PDE9A: variants seen among roughly 807,000 people sequenced by gnomAD.
The protein encoded by PDE9A is high affinity cGMP-specific 3',5'-cyclic phosphodiesterase 9A.
A neutral mutation model predicts 87.4 loss-of-function variants in PDE9A; 60 were observed. The observed-to-expected ratio is 0.69, with a 90% CI of 0.56 to 0.85. PDE9A has a LOEUF of 0.85. PDE9A is among the 40% of genes least tolerant of loss of function. The pLI is 0.00. For missense variants in PDE9A, 665 were observed against 779.0 expected (o/e 0.85, Z 1.74); for synonymous variants, 272 against 279.4 (o/e 0.97, Z 0.27).
intron 4 of PDE9A, among the ~76,000 whole-genome samples, chr21:42,729,681 G>A (rs1442788760): frequency 6.6e-6 from 1 of 152,138 alleles, no homozygotes; most frequent in Non-Finnish European, 1.5e-5. Flanking sequence ...ATGTCCCACA[G>A]CTAAGTTTTG....
intron 1 of PDE9A, among the ~76,000 whole-genome samples, chr21:42,666,708 G>A (rs1301177170): frequency 6.6e-6 from 1 of 152,174 alleles, no homozygotes. Flanking sequence ...GTTTTACAAG[G>A]ACATCTCATT....
intron 4 of PDE9A, among the ~76,000 whole-genome samples, chr21:42,710,217 G>A (rs973217107): frequency 9.9e-5 from 15 of 152,068 alleles, no homozygotes; most frequent in Non-Finnish European, 2.1e-4. Flanking sequence ...AGACCAGCCT[G>A]GCCAACATGG....
At chr21:42,709,650 C>T (rs1180647258) in intron 4 of PDE9A, among the ~76,000 whole-genome samples, 1 of 152,114 alleles carries the variant, frequency 6.6e-6, no homozygotes, top group Non-Finnish European at 1.5e-5. Flanking sequence ...TGGACTCTTT[C>T]ACTCAACATC....
intron 15 of PDE9A, among the ~76,000 whole-genome samples, chr21:42,767,945 A>G (rs116254495): frequency 6.6e-6 from 1 of 152,344 alleles, no homozygotes; most frequent in African/African-American, 2.4e-5. Flanking sequence ...GCAGTGCTTC[A>G]GGGGATATCA....
At chr21:42,726,624 A>ATATATATATATATATATTTTTTTTTTTT in intron 4 of PDE9A, among the ~76,000 whole-genome samples, 1 of 19,778 alleles carries the variant, frequency 5.1e-5, no homozygotes, top group Non-Finnish European at 7.5e-5. Context: ...ATATATATAT[A>ATATATATATATATATATTTTTTTTTTTT]TTTTTTTTTT....
Position 42,731,949 on chromosome 21 carries a change from G to T in PDE9A, c.442G>T (p.Glu148Ter). 6.2e-7 allele frequency: 1 copy of T among 1,613,340 alleles called. No individual in the cohort carries two copies. Among genetic ancestry groups the T allele is most frequent in the Non-Finnish European group, 8.5e-7 (1 of 1,179,482 alleles). ...CYQEGQRIPP[E>*]REELIQSVLA... ...CCAGGAAGGCCAGCGCATCCCTCCA[G>T]GTAACGGGCAGCTCCTCGGCCACAG... The change falls in exon 5 of 20, where the codon GAG becomes TAG. Residue 148 changes from glutamate (E) to a stop codon, truncating the protein, a stop_gained and splice_region_variant. Coordinates refer to ENST00000291539, the MANE Select transcript of PDE9A (RefSeq NM_002606.3). LOFTEE classifies it high-confidence loss of function.
At chr21:42,654,726 C>T (rs2056920018) in intron 1 of PDE9A, among the ~76,000 whole-genome samples, 1 of 152,148 alleles carries the variant, frequency 6.6e-6, no homozygotes, top group Non-Finnish European at 1.5e-5. Flanking sequence ...GAGCAGGTGC[C>T]GGCCAGGCTT....
At chr21:42,661,879 G>A (rs958946867) in intron 1 of PDE9A, among the ~76,000 whole-genome samples, 5 of 152,202 alleles carry the variant, frequency 3.3e-5, no homozygotes, top group Admixed American at 3.3e-4. Context: ...AGGGTAGGGG[G>A]CTGCCCAGGG....
chr21:42,713,677 GT>G (rs1233683426), intron 4 of PDE9A, among the ~76,000 whole-genome samples: 1 of 151,826 alleles, frequency 6.6e-6, no homozygotes, highest in East Asian at 1.9e-4. Context: ...ATGTATTTGG[GT>G]TTTTTGTGTG....
At chr21:42,662,723 G>A (rs1266652822) in intron 1 of PDE9A, among the ~76,000 whole-genome samples, 1 of 111,026 alleles carries the variant, frequency 9.0e-6, no homozygotes, top group East Asian at 2.8e-4. Flanking sequence ...TCACACACTT[G>A]TACACACCAG....
chr21:42,742,631 T>A (rs1350722413), intron 7 of PDE9A, among the ~76,000 whole-genome samples: 3 of 151,886 alleles, frequency 2.0e-5, no homozygotes, highest in Non-Finnish European at 4.4e-5. Flanking sequence ...CATGCCCGGC[T>A]AATTTTTGTA....
chr21:42,771,229 G>A (rs752572315), intron 18 of PDE9A, among the ~76,000 whole-genome samples: 3 of 152,180 alleles, frequency 2.0e-5, no homozygotes, highest in Non-Finnish European at 4.4e-5. Context: ...GGGACAAAGC[G>A]ACCACCCACC....
intron 1 of PDE9A, among the ~76,000 whole-genome samples, chr21:42,673,680 G>A (rs1445605482): frequency 6.6e-6 from 1 of 152,202 alleles, no homozygotes; most frequent in South Asian, 2.1e-4. Flanking sequence ...TTGGGGGTTC[G>A]AGGTGGCAGC....
At chr21:42,751,744 C>A in intron 9 of PDE9A, among the ~76,000 whole-genome samples, 3 of 122,392 alleles carry the variant, frequency 2.5e-5, no homozygotes, top group South Asian at 2.6e-4. Context: ...GGCCCACCTG[C>A]TTTTTTTTTT....
rs533364113 is a variant in PDE9A at position 42,771,233 on chromosome 21, AC to A, written c.1686+438del. Among the ~76,000 whole-genome samples, 25 of 152,208 alleles carry A rather than the reference AC, an allele frequency of 1.6e-4. No individual in the cohort carries two copies. The East Asian group carries it at 4.6e-3, about 28-fold the overall frequency. On this transcript the variant is annotated intron_variant, in intron 18 of 19. Transcript: ENST00000291539. ...CCCCTGGCACGGGGACAAAGCGACC[AC>A]CCACCTGCCAGCTCCCGGGCCCAGA...
chr21:42,743,979 C>T, intron 8 of PDE9A, 119 bp downstream of exon 8: 1 of 673,068 alleles, frequency 1.5e-6, no homozygotes, highest in Admixed American at 2.4e-5. Context: ...CGGTACAGTT[C>T]AGGCTTGGGA....
Position 42,751,104 on chromosome 21 carries a change from CCTT to C in PDE9A, c.654-9_654-7del, listed in dbSNP as rs747754772. ...AGCAGGACCACAGCTCATCTCTGCT[CCTT>C]CTCTCTAGGACCAACTGCCCCTGTA... On this transcript the variant is annotated splice_polypyrimidine_tract_variant and intron_variant, in intron 8 of 19. Coordinates refer to ENST00000291539, the MANE Select transcript of PDE9A (RefSeq NM_002606.3). 21 of 1,576,136 alleles carry C rather than the reference CCTT, an allele frequency of 1.3e-5. No homozygotes were observed. The highest frequency in any genetic ancestry group is 4.0e-5 in the African/African-American group (3 of 74,310).
At position 42,760,957 on chromosome 21, in the gene PDE9A, C is replaced by A; in HGVS notation, c.1085+50C>A. On this transcript the variant is annotated intron_variant, in intron 13 of 19. Transcript: ENST00000291539. The surrounding 1 kb of genome is among the most constrained non-coding windows in gnomAD (Gnocchi z 5.2). ...TTCCTTTTAAAAGGCACCCTGGCTA[C>A]TGGAGGGAACCTGTCAGCCCAACCC... 1 of 1,198,020 alleles carries A rather than the reference C, an allele frequency of 8.3e-7. No individual in the cohort carries two copies. The highest frequency in any genetic ancestry group is 1.2e-6 in the Non-Finnish European group (1 of 801,890). The allele number at this position is 1,198,020 out of a possible 1,614,324, so 74.2% of individuals were successfully genotyped here.
chr21:42,693,835 G>A (rs1040448446), intron 3 of PDE9A, among the ~76,000 whole-genome samples: 3 of 149,790 alleles, frequency 2.0e-5, no homozygotes, highest in Admixed American at 6.6e-5. Flanking sequence ...CAGGTGATCC[G>A]CCCACCTCAG....
Sources: allele counts gnomAD v4.1 joint callset (sites outside exome capture counted in the v4.1 genomes callset), GRCh38; gene constraint gnomAD v4.1.1; non-coding constraint Gnocchi (gnomAD v3.1); transcripts MANE v1.5; gene names NCBI Gene and HGNC (gene_info 2026-07-23, HGNC 2026-07-21).